PAM: variants seen among roughly 807,000 people sequenced by gnomAD.
PAM encodes the protein peptidylglycine alpha-amidating monooxygenase.
A neutral mutation model predicts 122.1 loss-of-function variants in PAM; 72 were observed. That is an observed-to-expected ratio of 0.59 (90% CI 0.49 to 0.72). The LOEUF (loss-of-function observed/expected upper bound fraction) is 0.72, where lower values mean the gene tolerates loss of function less well. Ranked by LOEUF, PAM falls within the 30% of genes least tolerant of loss-of-function variation. The probability of loss-of-function intolerance (pLI) is 0.00; values close to 1 mark genes in which losing one functional copy is unlikely to be tolerated. For missense variants in PAM, 1,106 were observed against 1,183.7 expected, an observed-to-expected ratio of 0.93 and a Z score of 0.96; for synonymous variants, 389 against 404.4, an observed-to-expected ratio of 0.96 and a Z score of 0.46.
At chr5:102,889,900 C>G (rs780316336) in intron 3 of PAM, among the ~76,000 whole-genome samples, 7 of 151,862 alleles carry the variant, frequency 4.6e-5, no homozygotes, top group Non-Finnish European at 8.8e-5. Flanking sequence ...TAACACTTCA[C>G]CATTTCCTAA....
rs1297246421 is a variant in PAM, at chr5:102,950,615, C to CA, written c.802-96dup. On this transcript the variant is annotated intron_variant, in intron 11 of 25. Transcript: ENST00000438793. ...CAACATCCCTTCATGATTAAACCCT[C>CA]AAAAAAGGGGTAAAGGAGGAACATA... The CA allele has an allele frequency of 5.7e-6, 4 of 705,276 alleles. No individual in the cohort carries two copies. In the Admixed American group the frequency reaches 7.3e-5, roughly 13 times the overall value. 43.7% of individuals were successfully genotyped at this position (705,276 alleles called of 1,614,324 possible). A position where few individuals can be genotyped will look rare whatever the true frequency, so the allele number is the denominator to read the frequency against.
intron 15 of PAM, among the ~76,000 whole-genome samples, chr5:102,986,870 C>T (rs1355571894): frequency 2.6e-5 from 4 of 152,174 alleles, no homozygotes; most frequent in Admixed American, 6.5e-5. Context: ...TGTCTGCCAG[C>T]ATATAAGACA....
At chr5:102,966,985 A>G (rs925505269) in intron 14 of PAM, among the ~76,000 whole-genome samples, 1 of 140,934 alleles carries the variant, frequency 7.1e-6, no homozygotes, top group Non-Finnish European at 1.6e-5. Context: ...TTTCTAAAAA[A>G]TTAGATACTT....
chr5:102,907,743 T>C (rs1800017961), intron 4 of PAM, among the ~76,000 whole-genome samples: 1 of 152,184 alleles, frequency 6.6e-6, no homozygotes, highest in African/African-American at 2.4e-5. Context: ...CATTTTTTCA[T>C]GTGCTTTTTG....
intron 1 of PAM, among the ~76,000 whole-genome samples, chr5:102,834,677 A>T (rs1776428374): frequency 6.6e-6 from 1 of 152,176 alleles, no homozygotes; most frequent in South Asian, 2.1e-4. Context: ...TTCTTGGCAG[A>T]GGAAACAGCA....
At position 103,028,165 on chromosome 5, in the gene PAM, G is replaced by A. The variant is rs1238646268; in HGVS notation, c.2690-20G>A. The A allele has an allele frequency of 2.5e-6, 4 of 1,604,690 alleles. No individual in the cohort carries two copies. Among genetic ancestry groups the A allele is most frequent in the East Asian group, 2.2e-5 (1 of 44,812 alleles). ...AGATGACTGGGACTCATTTTGAAAT[G>A]TGCCATCTTTTTTTAGCAGATTCTG... On this transcript the variant is annotated intron_variant, in intron 24 of 25. Transcript: ENST00000438793.
At chr5:102,780,204 G>A (rs563252918) in intron 1 of PAM, among the ~76,000 whole-genome samples, 49 of 151,922 alleles carry the variant, frequency 3.2e-4, no homozygotes, top group African/African-American at 1.2e-3. Flanking sequence ...AAAGAACATA[G>A]CATATATAGG....
chr5:102,969,374 G>A (rs777707082), intron 14 of PAM, among the ~76,000 whole-genome samples: 5 of 152,012 alleles, frequency 3.3e-5, no homozygotes, highest in Non-Finnish European at 7.4e-5. Flanking sequence ...GAGTGTCCAA[G>A]GTGGGTAGGG....
At chr5:102,931,822 C>G (rs1031995797) in intron 7 of PAM, among the ~76,000 whole-genome samples, 2 of 151,992 alleles carry the variant, frequency 1.3e-5, no homozygotes, top group Admixed American at 6.6e-5. Context: ...CTCTCTCTCT[C>G]TCTCTCTCTC....
At chr5:102,993,233 A>C (rs1439815749) in intron 16 of PAM, among the ~76,000 whole-genome samples, 1 of 152,124 alleles carries the variant, frequency 6.6e-6, no homozygotes, top group Non-Finnish European at 1.5e-5. Context: ...TGAAACTTTA[A>C]AGAGTCTCTT....
intron 12 of PAM, among the ~76,000 whole-genome samples, chr5:102,951,136 T>C (rs546398573): frequency 6.6e-5 from 10 of 151,998 alleles, no homozygotes; most frequent in Non-Finnish European, 1.3e-4. Flanking sequence ...ATAATGAAAA[T>C]TTTTTTTCTC....
chr5:102,986,611 C>G (rs1358806277), intron 15 of PAM, among the ~76,000 whole-genome samples: 2 of 152,028 alleles, frequency 1.3e-5, no homozygotes, highest in African/African-American at 4.8e-5. Flanking sequence ...ATTTCCTGCT[C>G]ATGGACAGAA....
intron 1 of PAM, among the ~76,000 whole-genome samples, chr5:102,833,452 G>A (rs1357725501): frequency 6.6e-6 from 1 of 152,088 alleles, no homozygotes; most frequent in Non-Finnish European, 1.5e-5. Context: ...CTTATTACAT[G>A]AAGGTCATCA....
intron 5 of PAM, among the ~76,000 whole-genome samples, chr5:102,923,852 A>T (rs1180700268): frequency 6.6e-6 from 1 of 152,056 alleles, no homozygotes; most frequent in Non-Finnish European, 1.5e-5. Context: ...TGCTCTTTTC[A>T]CCCTGCAACA....
intron 3 of PAM, among the ~76,000 whole-genome samples, chr5:102,867,943 A>C (rs1786113534): frequency 6.6e-6 from 1 of 152,242 alleles, no homozygotes; most frequent in African/African-American, 2.4e-5. Flanking sequence ...GTATTTTGAA[A>C]TAATGGCAAA....
intron 7 of PAM, among the ~76,000 whole-genome samples, chr5:102,945,042 G>A (rs1020783493): frequency 5.3e-5 from 8 of 151,898 alleles, no homozygotes; most frequent in African/African-American, 1.7e-4. Flanking sequence ...AAATATTCAT[G>A]TACTGTATTT....
intron 3 of PAM, among the ~76,000 whole-genome samples, chr5:102,878,751 GA>G (rs1219776730): frequency 2.0e-5 from 3 of 151,676 alleles, no homozygotes; most frequent in Non-Finnish European, 2.9e-5. Context: ...AAAATTAATA[GA>G]AAAATGCTTA....
intron 1 of PAM, among the ~76,000 whole-genome samples, chr5:102,797,608 T>C (rs1763707159): frequency 6.6e-6 from 1 of 152,202 alleles, no homozygotes; most frequent in Non-Finnish European, 1.5e-5. Context: ...TGAGAGTGCC[T>C]TGAATATTTT....
chr5:102,857,335 G>A (rs1782903678), intron 1 of PAM, among the ~76,000 whole-genome samples: 2 of 152,122 alleles, frequency 1.3e-5, no homozygotes, highest in Non-Finnish European at 2.9e-5. Flanking sequence ...GTCCAGTGAT[G>A]CCAGATTTTT....
Sources: allele counts gnomAD v4.1 joint callset (sites outside exome capture counted in the v4.1 genomes callset), GRCh38; gene constraint gnomAD v4.1.1; transcripts MANE v1.5; gene names NCBI Gene and HGNC (gene_info 2026-07-23, HGNC 2026-07-21).